The following CDH4 variants were observed in gnomAD, a reference collection of about 807,000 sequenced individuals.
The protein encoded by CDH4 is cadherin 4.
A neutral mutation model predicts 86.0 loss-of-function variants in CDH4; 33 were observed. The observed-to-expected ratio is 0.38, with a 90% CI of 0.29 to 0.51. The LOEUF (loss-of-function observed/expected upper bound fraction) is 0.51. CDH4 is among the 20% of genes least tolerant of loss of function. The pLI is 0.86. For synonymous variants in CDH4, 555 were observed against 549.4 expected (o/e 1.01, Z -0.14); for missense variants, 1,114 against 1,307.4 (o/e 0.85, Z 2.28).
chr20:61,259,689 C>T (rs181702338), intron 2 of CDH4, among the ~76,000 whole-genome samples: 2 of 152,280 alleles, frequency 1.3e-5, no homozygotes, highest in Non-Finnish European at 2.9e-5. Context: ...TCTCCCTTGC[C>T]AACAAACCTC....
chr20:61,851,112 C>T (rs867745176), intron 5 of CDH4, among the ~76,000 whole-genome samples: 4 of 152,172 alleles, frequency 2.6e-5, no homozygotes, highest in Non-Finnish European at 4.4e-5. Flanking sequence ...CGCGACGGGG[C>T]GGGGACAGCC....
chr20:61,903,540 TAAAAAAA>T (rs60370683), intron 8 of CDH4, among the ~76,000 whole-genome samples: 1 of 90,886 alleles, frequency 1.1e-5, no homozygotes, highest in Non-Finnish European at 2.0e-5. Context: ...AGAGACTCCA[TAAAAAAA>T]AAAAAAAAAA....
At chr20:61,298,801 G>A (rs1338426887) in intron 2 of CDH4, among the ~76,000 whole-genome samples, 1 of 97,258 alleles carries the variant, frequency 1.0e-5, no homozygotes, top group Non-Finnish European at 2.1e-5. Context: ...GAAATGTATC[G>A]CTGGTGAGAG....
At chr20:61,578,987 G>A (rs1429416291) in intron 2 of CDH4, among the ~76,000 whole-genome samples, 1 of 152,150 alleles carries the variant, frequency 6.6e-6, no homozygotes, top group Non-Finnish European at 1.5e-5. Context: ...GGCTGGGATT[G>A]AGTTCCATCC....
intron 2 of CDH4, among the ~76,000 whole-genome samples, chr20:61,701,484 C>G (rs2145885801): frequency 6.6e-6 from 1 of 152,332 alleles, no homozygotes; most frequent in African/African-American, 2.4e-5. Flanking sequence ...GGTTTGGGTG[C>G]AGCTGGCAGT....
chr20:61,536,540 C>G (rs995185236), intron 2 of CDH4, among the ~76,000 whole-genome samples: 1 of 152,114 alleles, frequency 6.6e-6, no homozygotes, highest in African/African-American at 2.4e-5. Context: ...AGGCCCCTCA[C>G]CCCTTCCGAT....
At chr20:61,775,297 A>G (rs1219486907) in intron 4 of CDH4, among the ~76,000 whole-genome samples, 2 of 151,944 alleles carry the variant, frequency 1.3e-5, no homozygotes, top group African/African-American at 4.8e-5. Flanking sequence ...TCCTCTTTGA[A>G]GGTCATCAGG....
At chr20:61,784,659 G>C (rs6089505) in intron 4 of CDH4, among the ~76,000 whole-genome samples, 12,808 of 25,440 alleles carry the variant, frequency 0.5, 4,904 homozygotes, top group East Asian at 0.74. Context: ...GACAGTTCTC[G>C]AGGCCCTCAG....
intron 2 of CDH4, among the ~76,000 whole-genome samples, chr20:61,409,602 G>T (rs1309336846): frequency 6.6e-6 from 1 of 152,226 alleles, no homozygotes; most frequent in Non-Finnish European, 1.5e-5. Flanking sequence ...TTTCAAAGAG[G>T]CAGTAAGGAC....
chr20:61,560,291 T>C (rs936961528), intron 2 of CDH4, among the ~76,000 whole-genome samples: 2 of 152,200 alleles, frequency 1.3e-5, no homozygotes, highest in Non-Finnish European at 2.9e-5. Flanking sequence ...AGGGGGTACA[T>C]GTGCAGGTTT....
chr20:61,547,435 C>T (rs982339131), intron 2 of CDH4, among the ~76,000 whole-genome samples: 1 of 151,734 alleles, frequency 6.6e-6, no homozygotes, highest in African/African-American at 2.4e-5. Flanking sequence ...AGGATGGTCT[C>T]GATCTCCTGA....
At chr20:61,701,400 T>C (rs1308650824) in intron 2 of CDH4, among the ~76,000 whole-genome samples, 1 of 152,218 alleles carries the variant, frequency 6.6e-6, no homozygotes, top group Non-Finnish European at 1.5e-5. Context: ...GCTGTGAGAT[T>C]CCCCACGGGT....
chr20:61,473,437 A>G (rs896053089), intron 2 of CDH4, among the ~76,000 whole-genome samples: 8 of 152,192 alleles, frequency 5.3e-5, no homozygotes, highest in African/African-American at 7.2e-5. Flanking sequence ...TAGAGAGCTT[A>G]CGAGCCCCTC....
chr20:61,260,410 A>G (rs1287314399), intron 2 of CDH4, among the ~76,000 whole-genome samples: 1 of 152,238 alleles, frequency 6.6e-6, no homozygotes, highest in Non-Finnish European at 1.5e-5. Flanking sequence ...AACCCCCACC[A>G]GAGAATGTAA....
chr20:61,527,984 C>A (rs373847840), intron 2 of CDH4, among the ~76,000 whole-genome samples: 1 of 152,234 alleles, frequency 6.6e-6, no homozygotes, highest in South Asian at 2.1e-4. Context: ...GGACAATCTA[C>A]GCAGCATTAT....
chr20:61,859,364 C>A (rs1010276837), intron 6 of CDH4, among the ~76,000 whole-genome samples: 7 of 152,180 alleles, frequency 4.6e-5, no homozygotes, highest in African/African-American at 1.7e-4. Context: ...CCATCCTCCC[C>A]CCAGGGTCTT....
intron 4 of CDH4, among the ~76,000 whole-genome samples, chr20:61,789,292 A>G (rs956645871): frequency 6.6e-6 from 1 of 152,234 alleles, no homozygotes; most frequent in Non-Finnish European, 1.5e-5. Flanking sequence ...TCTGAGTTGT[A>G]ATGCCTATTG....
At chr20:61,509,199 G>A (rs764413541) in intron 2 of CDH4, among the ~76,000 whole-genome samples, 1 of 152,170 alleles carries the variant, frequency 6.6e-6, no homozygotes, top group African/African-American at 2.4e-5. Context: ...CAGAGGACTT[G>A]GGGCATGAAT....
chr20:61,443,532 C>T (rs1458724080), intron 2 of CDH4, among the ~76,000 whole-genome samples: 2 of 152,202 alleles, frequency 1.3e-5, no homozygotes, highest in Non-Finnish European at 2.9e-5. Context: ...GCATACCTTT[C>T]TTCTCCTGAT....
Sources: allele counts gnomAD v4.1 joint callset (sites outside exome capture counted in the v4.1 genomes callset), GRCh38; gene constraint gnomAD v4.1.1; transcripts MANE v1.5; gene names NCBI Gene and HGNC (gene_info 2026-07-23, HGNC 2026-07-21).